Variants in MBP observed in about 807,000 individuals in gnomAD.
MBP encodes the protein Golli-MBP.
MBP carries 16 observed loss-of-function variants against 35.8 expected under a neutral mutation model. The observed-to-expected ratio is 0.45, with a 90% CI of 0.30 to 0.68. MBP has a LOEUF of 0.68. Among genes scored for constraint, MBP ranks in the 30% least tolerant of loss-of-function variants. The pLI, the probability that MBP is intolerant of heterozygous loss-of-function variation, is 0.08. For missense variants in MBP, 380 were observed against 404.7 expected (o/e 0.94, Z 0.52); for synonymous variants, 143 against 159.6 (o/e 0.90, Z 0.78).
At chr18:77,074,726 A>G (rs2144869816) in intron 2 of MBP, among the ~76,000 whole-genome samples, 1 of 152,328 alleles carries the variant, frequency 6.6e-6, no homozygotes. Flanking sequence ...TCCCAGACAC[A>G]GCCTGCATTC....
chr18:77,028,006 T>TTTATTTATTTATTTATTTATTTATTTA (rs1234045855), intron 3 of MBP, among the ~76,000 whole-genome samples: 2 of 52,032 alleles, frequency 3.8e-5, no homozygotes, highest in Admixed American at 2.0e-4. Context: ...TTATTTATTT[T>TTTATTTATTTATTTATTTATTTATTTA]TTTATTGATC....
chr18:77,028,623 A>AC (rs1243190728), intron 3 of MBP, among the ~76,000 whole-genome samples: 8 of 42,876 alleles, frequency 1.9e-4, no homozygotes, highest in African/African-American at 4.3e-4. Context: ...CGGGGGGCTG[A>AC]CCCCCCCCCA....
chr18:77,030,603 T>C (rs77658350), intron 3 of MBP, among the ~76,000 whole-genome samples: 1,996 of 152,322 alleles, frequency 0.013, 46 homozygotes, highest in African/African-American at 0.046. Flanking sequence ...TACACCAAAA[T>C]GTGTTATTTT....
chr18:77,049,773 G>A (rs532154096), intron 3 of MBP, among the ~76,000 whole-genome samples: 7 of 151,974 alleles, frequency 4.6e-5, no homozygotes, highest in Admixed American at 2.0e-4. Context: ...TCTGCCTCCC[G>A]GATTCAAGCA....
chr18:77,071,998 C>A (rs1421336872), intron 2 of MBP, among the ~76,000 whole-genome samples: 1 of 152,144 alleles, frequency 6.6e-6, no homozygotes, highest in Non-Finnish European at 1.5e-5. Flanking sequence ...CCTTCTGAAT[C>A]TTATACTCGA....
intron 4 of MBP, among the ~76,000 whole-genome samples, chr18:77,002,435 G>A (rs2123309306): frequency 6.6e-6 from 1 of 152,390 alleles, no homozygotes; most frequent in Middle Eastern, 3.4e-3. Context: ...GCTAAATGCA[G>A]TAGGGATTTC....
At chr18:77,068,052 T>C (rs1974275286) in intron 2 of MBP, among the ~76,000 whole-genome samples, 1 of 152,106 alleles carries the variant, frequency 6.6e-6, no homozygotes, top group African/African-American at 2.4e-5. Context: ...TGTGTGTGTG[T>C]ATCCATTCCC....
intron 4 of MBP, among the ~76,000 whole-genome samples, chr18:77,011,828 C>T (rs1376965862): frequency 6.6e-6 from 1 of 152,180 alleles, no homozygotes; most frequent in African/African-American, 2.4e-5. Context: ...CTTTTAAAAA[C>T]ATTGAATCAG....
At chr18:77,081,817 T>TACAC (rs1301713665) in intron 2 of MBP, among the ~76,000 whole-genome samples, 5 of 53,258 alleles carry the variant, frequency 9.4e-5, no homozygotes, top group African/African-American at 2.3e-4. Flanking sequence ...CACACACATA[T>TACAC]ATACACACAC....
intron 1 of MBP, chr18:77,113,853 C>G (rs78743799): frequency 6.6e-6 from 1 of 152,206 alleles, no homozygotes; most frequent in Non-Finnish European, 1.5e-5. Context: ...AGACGAAGAA[C>G]GACCTGCAAG....
intron 3 of MBP, among the ~76,000 whole-genome samples, chr18:77,021,649 A>T (rs1402819427): frequency 6.6e-6 from 1 of 151,888 alleles, no homozygotes; most frequent in Admixed American, 6.6e-5. Flanking sequence ...GTGCCCAGCT[A>T]ATTTTTTGTA....
At chr18:77,065,493 A>C (rs1022176819) in intron 3 of MBP, among the ~76,000 whole-genome samples, 6 of 152,252 alleles carry the variant, frequency 3.9e-5, no homozygotes, top group African/African-American at 1.4e-4. Flanking sequence ...GGACACATTC[A>C]ATCCACAAAA....
In MBP at chr18:76,980,117, G is replaced by A. The variant is rs534429234; in HGVS notation, c.*310C>T. On this transcript the variant is annotated 3_prime_UTR_variant, in exon 9 of 9. Transcript: ENST00000355994. ...AAAGTCCAAGGGTGGAGGGGTGAAC[G>A]TGGAGGGACGTCTGTGCACCTGGCC... 28 of 678,578 alleles carry A rather than the reference G, an allele frequency of 4.1e-5. No homozygotes were observed. The highest frequency in any genetic ancestry group is 6.4e-5 in the Non-Finnish European group (24 of 375,538). The allele number at this position is 678,578 out of a possible 1,614,324, so 42.0% of individuals were successfully genotyped here.
At chr18:77,068,194 AATTGAGGAGGGAAGAAT>A (rs1974283045) in intron 2 of MBP, among the ~76,000 whole-genome samples, 1 of 152,258 alleles carries the variant, frequency 6.6e-6, no homozygotes, top group Admixed American at 6.5e-5. Flanking sequence ...GGACTCACAA[AATTGAGGAGGGAAGAAT>A]TTGCCTTCAC....
chr18:77,122,635 C>T (rs933432865), intron 1 of MBP, among the ~76,000 whole-genome samples: 3 of 152,184 alleles, frequency 2.0e-5, no homozygotes, highest in Non-Finnish European at 2.9e-5. Flanking sequence ...CTCCGCCTCC[C>T]GGGTTCAAGC....
chr18:77,104,827 A>G (rs755531487), intron 2 of MBP, among the ~76,000 whole-genome samples: 4 of 152,196 alleles, frequency 2.6e-5, no homozygotes, highest in Non-Finnish European at 5.9e-5. Context: ...AGGACCAATC[A>G]CAGAATGTGG....
chr18:77,078,218 C>T (rs962173180), intron 2 of MBP, among the ~76,000 whole-genome samples: 3 of 152,212 alleles, frequency 2.0e-5, no homozygotes, highest in African/African-American at 4.8e-5. Flanking sequence ...GAGTCACTTT[C>T]CAGGTCATAA....
intron 3 of MBP, among the ~76,000 whole-genome samples, chr18:77,064,189 G>C (rs1003009238): frequency 6.6e-6 from 1 of 152,086 alleles, no homozygotes; most frequent in South Asian, 2.1e-4. Context: ...GAGTTTTATA[G>C]GCAGATTTAT....
At chr18:77,130,117 A>G (rs376071555) in intron 1 of MBP, among the ~76,000 whole-genome samples, 9 of 152,290 alleles carry the variant, frequency 5.9e-5, no homozygotes, top group African/African-American at 1.9e-4. Context: ...ACAACTAAGA[A>G]AGCTAAGGAG....
Sources: gnomAD v4.1 joint callset for allele counts (sites outside exome capture counted in the v4.1 genomes callset) on GRCh38, gnomAD v4.1.1 for gene constraint, MANE v1.5 for transcripts, NCBI Gene and HGNC (gene_info 2026-07-23, HGNC 2026-07-21) for gene names.